AP3S1: variants seen among roughly 807,000 people sequenced by gnomAD.
AP3S1 encodes the protein adaptor related protein complex 3 subunit sigma 1.
In AP3S1, 12 loss-of-function variants were observed where a neutral mutation model predicts 21.3. The ratio of observed to expected loss-of-function variants is 0.56; its 90% CI spans 0.36 to 0.91. The LOEUF (loss-of-function observed/expected upper bound fraction) is 0.91, where lower values mean the gene tolerates loss of function less well. AP3S1 is among the 40% of genes least tolerant of loss of function. The pLI is 0.01. For missense variants in AP3S1, 116 were observed against 225.0 expected, an observed-to-expected ratio of 0.52 and a Z score of 3.10; for synonymous variants, 48 against 78.4, an observed-to-expected ratio of 0.61 and a Z score of 2.05.
chr5:115,864,611 T>C (rs887569716), intron 1 of AP3S1, among the ~76,000 whole-genome samples: 4 of 152,214 alleles, frequency 2.6e-5, no homozygotes, highest in Admixed American at 1.3e-4. Flanking sequence ...GCATTCCTGC[T>C]GAAGAAAACC....
intron 1 of AP3S1, among the ~76,000 whole-genome samples, chr5:115,861,335 A>C (rs999518282): frequency 6.6e-6 from 1 of 152,156 alleles, no homozygotes; most frequent in Non-Finnish European, 1.5e-5. Flanking sequence ...AAAGGGGAGA[A>C]GAAAGAGATG....
chr5:115,894,993 A>G lies in AP3S1; in HGVS notation c.274-94A>G, dbSNP rs554441381. On this transcript the variant is annotated intron_variant, in intron 3 of 5. Coordinates refer to ENST00000316788, the MANE Select transcript of AP3S1 (RefSeq NM_001284.4). Reference sequence around the variant, plus strand: ...TTGAAAAAGATAAATGTATAATACAAAATTTTAGTTCATAATTAAGAATTG... The same window carrying G: ...TTGAAAAAGATAAATGTATAATACAGAATTTTAGTTCATAATTAAGAATTG... The G allele has an allele frequency of 1.0e-4, 80 of 792,164 alleles. 1 individual carries two copies. Among genetic ancestry groups the G allele is most frequent in the Non-Finnish European group, 1.4e-4 (71 of 509,450 alleles). 49.1% of individuals were successfully genotyped at this position (792,164 alleles called of 1,614,324 possible). A position where few individuals can be genotyped will look rare whatever the true frequency, so the allele number is the denominator to read the frequency against.
At chr5:115,900,586 A>G (rs889086254) in intron 4 of AP3S1, among the ~76,000 whole-genome samples, 2 of 152,218 alleles carry the variant, frequency 1.3e-5, no homozygotes, top group Non-Finnish European at 2.9e-5. Context: ...AGAGGTGCTC[A>G]TGATTATGAA....
Position 115,842,987 on chromosome 5 carries a change from C to G in AP3S1, c.69+881C>G, listed in dbSNP as rs945371235. ...GAATAGTAGCATTTGTAGAACTTCT[C>G]TTTTAACGTGTAAATACTGTTTAGT... On this transcript the variant is annotated intron_variant, in intron 1 of 5. Transcript: ENST00000316788. 3.3e-5 allele frequency among the ~76,000 whole-genome samples: 4 copies of G among 119,536 alleles called. No homozygotes were observed. In the Admixed American group the frequency reaches 3.5e-4, roughly 10 times the overall value. 78.4% of individuals were successfully genotyped at this position (119,536 alleles called of 152,430 possible). A position where few individuals can be genotyped will look rare whatever the true frequency, so the allele number is the denominator to read the frequency against.
intron 2 of AP3S1, among the ~76,000 whole-genome samples, chr5:115,869,729 T>G (rs1748057916): frequency 6.6e-6 from 1 of 152,220 alleles, no homozygotes. Context: ...ATGTGTGTGT[T>G]TGTTGCTTCT....
At chr5:115,898,037 TAAAAC>T (rs1358118306) in intron 4 of AP3S1, among the ~76,000 whole-genome samples, 1 of 152,076 alleles carries the variant, frequency 6.6e-6, no homozygotes, top group East Asian at 1.9e-4. Flanking sequence ...GTTAGCCACT[TAAAAC>T]AAAAAAGGGT....
chr5:115,871,528 G>T (rs1748244479), intron 3 of AP3S1, among the ~76,000 whole-genome samples: 1 of 151,960 alleles, frequency 6.6e-6, no homozygotes, highest in African/African-American at 2.4e-5. Context: ...TAGACCTATT[G>T]CAACCCTCAG....
rs569982534 is a variant in AP3S1 at position 115,892,567 on chromosome 5, A to G, written c.274-2520A>G. ...AGAAGCCAGACACAGAAAGACAAACATCATATGTTCTCCTTACTTTTAGGA... is the reference window on the plus strand; with the variant it reads ...AGAAGCCAGACACAGAAAGACAAACGTCATATGTTCTCCTTACTTTTAGGA... On this transcript the variant is annotated intron_variant, in intron 3 of 5. Transcript: ENST00000316788. Among the ~76,000 whole-genome samples, 3 of 152,320 alleles carry G rather than the reference A, an allele frequency of 2.0e-5. No homozygotes were observed. In the East Asian group the frequency reaches 5.8e-4, roughly 29 times the overall value.
intron 3 of AP3S1, among the ~76,000 whole-genome samples, chr5:115,893,614 A>G (rs1750505441): frequency 6.6e-6 from 1 of 152,172 alleles, no homozygotes; most frequent in Non-Finnish European, 1.5e-5. Context: ...TCTAACATTG[A>G]TGCCAGGAAG....
chr5:115,863,126 G>C (rs145417714), intron 1 of AP3S1, among the ~76,000 whole-genome samples: 1 of 152,074 alleles, frequency 6.6e-6, no homozygotes, highest in African/African-American at 2.4e-5. Context: ...ATGGCTGGGC[G>C]TGGTGGCTCC....
rs1395431543 is a variant in AP3S1, at chr5:115,875,280, A to T, written c.273+5152A>T. ...GAAATAGTCTTCATTGGGGAAATTT[A>T]TAAGCCAAGAATACTTAAGTGAGGA... On this transcript the variant is annotated intron_variant, in intron 3 of 5. Transcript: ENST00000316788. Among the ~76,000 whole-genome samples, 2 of 152,208 alleles carry T rather than the reference A, an allele frequency of 1.3e-5. 1 individual carries two copies. Among genetic ancestry groups the T allele is most frequent in the Non-Finnish European group, 2.9e-5 (2 of 68,042 alleles).
intron 3 of AP3S1, among the ~76,000 whole-genome samples, chr5:115,888,551 T>G (rs1373243796): frequency 6.6e-6 from 1 of 152,160 alleles, no homozygotes; most frequent in Non-Finnish European, 1.5e-5. Context: ...CTTTAAATTT[T>G]AAGAATTTTT....
At chr5:115,885,220 G>A (rs1268573488) in intron 3 of AP3S1, among the ~76,000 whole-genome samples, 1 of 152,186 alleles carries the variant, frequency 6.6e-6, no homozygotes, top group African/African-American at 2.4e-5. Context: ...ATATATGAAG[G>A]GGAGTTAGTT....
chr5:115,900,478 C>A (rs1306546282), intron 4 of AP3S1, among the ~76,000 whole-genome samples: 1 of 152,154 alleles, frequency 6.6e-6, no homozygotes, highest in Non-Finnish European at 1.5e-5. Flanking sequence ...GTTCTAAACT[C>A]ATTTTATTCA....
chr5:115,871,340 T>G (rs979806866), intron 3 of AP3S1, among the ~76,000 whole-genome samples: 8 of 152,198 alleles, frequency 5.3e-5, no homozygotes, highest in Non-Finnish European at 1.2e-4. Context: ...TAATTCTTGG[T>G]GATTCCATTG....
chr5:115,899,981 G>A (rs1751071471), intron 4 of AP3S1, among the ~76,000 whole-genome samples: 2 of 151,900 alleles, frequency 1.3e-5, no homozygotes, highest in South Asian at 4.2e-4. Flanking sequence ...TTAATGGGAA[G>A]TATAAGCACA....
chr5:115,844,395 G>A (rs987832772), intron 1 of AP3S1, among the ~76,000 whole-genome samples: 2 of 152,202 alleles, frequency 1.3e-5, no homozygotes, highest in African/African-American at 4.8e-5. Flanking sequence ...CTTAGAGAGT[G>A]AGAGGATGAC....
intron 1 of AP3S1, among the ~76,000 whole-genome samples, chr5:115,862,090 C>T (rs1763241600): frequency 1.3e-5 from 2 of 152,002 alleles, no homozygotes; most frequent in African/African-American, 4.8e-5. Context: ...AATTATCCTT[C>T]TGTGACTGGT....
In AP3S1 at chr5:115,895,165, T is replaced by C. The variant is rs780548522; in HGVS notation, c.345+7T>C. The C allele has an allele frequency of 5.0e-6, 8 of 1,586,378 alleles. No homozygotes were observed. In the African/African-American group the frequency reaches 8.1e-5, roughly 16 times the overall value. On this transcript the variant is annotated splice_region_variant and intron_variant, in intron 4 of 5. Transcript: ENST00000316788. Reference sequence around the variant, plus strand: ...GATTTTCCATGTAGACAAGGTACTATTTGTATTGTCACATCTAAGCTTTTT... The same window carrying C: ...GATTTTCCATGTAGACAAGGTACTACTTGTATTGTCACATCTAAGCTTTTT...
Sources: allele counts gnomAD v4.1 joint callset (sites outside exome capture counted in the v4.1 genomes callset), GRCh38; gene constraint gnomAD v4.1.1; transcripts MANE v1.5; gene names NCBI Gene and HGNC (gene_info 2026-07-23, HGNC 2026-07-21).